Variants in JAK2 observed in about 807,000 individuals in gnomAD.
The protein encoded by JAK2 is Janus kinase 2, also known as tyrosine-protein kinase JAK2.
In JAK2, 86 loss-of-function variants were observed where a neutral mutation model predicts 139.3. The ratio of observed to expected loss-of-function variants is 0.62; its 90% CI spans 0.52 to 0.74. The LOEUF is 0.74. JAK2 is among the 30% of genes least tolerant of loss of function. JAK2 has a pLI of 0.00. For missense variants in JAK2, 1,421 were observed against 1,360.3 expected, an observed-to-expected ratio of 1.04 and a Z score of -0.70; for synonymous variants, 490 against 437.7, an observed-to-expected ratio of 1.12 and a Z score of -1.49.
Position 5,054,411 on chromosome 9 carries a change from G to A in JAK2, c.615-152G>A, listed in dbSNP as rs1308569696. 5 of 594,574 alleles carry A rather than the reference G, an allele frequency of 8.4e-6. No homozygotes were observed. The highest frequency in any genetic ancestry group is 1.5e-5 in the Non-Finnish European group (5 of 330,932). The allele number at this position is 594,574 out of a possible 1,614,324, so 36.8% of individuals were successfully genotyped here. A position where few individuals can be genotyped will look rare whatever the true frequency, so the allele number is the denominator to read the frequency against. ...AAATCTTAAAGTTTTATACTGTATGGATGGGGGTTATGTCAACTTACGCCA... is the reference window on the plus strand; with the variant it reads ...AAATCTTAAAGTTTTATACTGTATGAATGGGGGTTATGTCAACTTACGCCA... On this transcript the variant is annotated intron_variant, in intron 6 of 24. Coordinates refer to ENST00000381652, the MANE Select transcript of JAK2 (RefSeq NM_004972.4). The surrounding 1 kb of genome is among the most constrained non-coding windows in gnomAD (Gnocchi z 4.9).
At chr9:5,114,735 T>G (rs1822986174) in intron 22 of JAK2, 1 of 362,374 alleles carries the variant, frequency 2.8e-6, no homozygotes, top group African/African-American at 2.1e-5. Flanking sequence ...CGAGTTCATC[T>G]GCTCTGTGGT....
At chr9:5,097,368 T>C (rs920885028) in intron 22 of JAK2, 1 of 152,330 alleles carries the variant, frequency 6.6e-6, no homozygotes, top group African/African-American at 2.4e-5. Flanking sequence ...TCTGATTCTT[T>C]GGTCACCCTG....
intron 5 of JAK2, among the ~76,000 whole-genome samples, chr9:5,048,376 T>C (rs887496692): frequency 6.6e-6 from 1 of 151,962 alleles, no homozygotes; most frequent in Non-Finnish European, 1.5e-5. Context: ...CTCCTGACCT[T>C]GTCATCTGCC....
chr9:5,091,524 A>ATAATTATGGGTGTTGGTT (rs1554676717), intron 22 of JAK2: 3 of 152,124 alleles, frequency 2.0e-5, no homozygotes, highest in Non-Finnish European at 2.9e-5. Context: ...GCTGCCTTGT[A>ATAATTATGGGTGTTGGTT]TAATTATGGG....
chr9:5,087,238 G>A (rs2031905), intron 19 of JAK2, among the ~76,000 whole-genome samples: 26,670 of 152,138 alleles, frequency 0.18, 2,548 homozygotes, highest in East Asian at 0.24. Flanking sequence ...GAAACTTACA[G>A]TCATGGCAGA....
At chr9:5,125,504 A>C (rs1286181753) in intron 23 of JAK2, among the ~76,000 whole-genome samples, 1 of 151,482 alleles carries the variant, frequency 6.6e-6, no homozygotes, top group Non-Finnish European at 1.5e-5. Flanking sequence ...ATTTATATTT[A>C]TCTCTGATAA....
chr9:5,081,866 A>C lies in JAK2; in HGVS notation c.2571+5A>C, dbSNP rs775085241. The stretch of plus-strand genomic sequence containing the variant: ...TTTCTACAGCAACTTGGCAAGGTAA[A>C]TTGTCAGAATTTTTTCAAATAGAGT... On this transcript the variant is annotated splice_donor_5th_base_variant and intron_variant, in intron 19 of 24. Transcript: ENST00000381652. 4.3e-5 allele frequency: 69 copies of C among 1,608,800 alleles called. No homozygotes were observed. Among genetic ancestry groups the C allele is most frequent in the Non-Finnish European group, 5.9e-6 (7 of 1,176,740 alleles).
intron 5 of JAK2, among the ~76,000 whole-genome samples, chr9:5,047,159 A>G (rs562855510): frequency 1.3e-5 from 2 of 152,338 alleles, no homozygotes; most frequent in Admixed American, 1.3e-4. Context: ...AAAATATGAT[A>G]GTATTTAGAT....
Position 5,066,711 on chromosome 9 carries a change from A to G in JAK2, c.1248A>G (p.Ala416=). Reference sequence around the variant, plus strand: ...TTGCCATTAGTAAACTGAAGAAAGCAGGTAATCAGACTGGACTGTATGTAC... The same window carrying G: ...TTGCCATTAGTAAACTGAAGAAAGCGGGTAATCAGACTGGACTGTATGTAC... The part of the protein sequence containing the change: ...MDFAISKLKK[A]GNQTGLYVLR... Residue 416 remains alanine, a synonymous_variant, in exon 10 of 25, where the codon GCA becomes GCG. Coordinates refer to ENST00000381652, the MANE Select transcript of JAK2 (RefSeq NM_004972.4). 1.9e-6 allele frequency: 3 copies of G among 1,609,780 alleles called. No homozygotes were observed. Among genetic ancestry groups the G allele is most frequent in the Non-Finnish European group, 2.5e-6 (3 of 1,177,074 alleles).
chr9:5,086,098 G>A (rs553288923), intron 19 of JAK2: 11 of 555,730 alleles, frequency 2.0e-5, no homozygotes, highest in Non-Finnish European at 3.0e-5. Context: ...TTCTGCCTAT[G>A]AGCCTGCGCG....
chr9:5,056,679 A>T (rs568141954), intron 8 of JAK2, among the ~76,000 whole-genome samples: 2 of 152,292 alleles, frequency 1.3e-5, no homozygotes, highest in Admixed American at 1.3e-4. Context: ...GTTTAGAAAA[A>T]GCTTGATAAA....
chr9:4,992,245 C>T (rs1820298371), intron 2 of JAK2, among the ~76,000 whole-genome samples: 1 of 152,124 alleles, frequency 6.6e-6, no homozygotes, highest in Non-Finnish European at 1.5e-5. Context: ...CCTGGATTTC[C>T]TCACAATATG....
chr9:4,993,974 C>T (rs1820413914), intron 2 of JAK2, among the ~76,000 whole-genome samples: 1 of 152,136 alleles, frequency 6.6e-6, no homozygotes, highest in African/African-American at 2.4e-5. Context: ...GTGTGCCTTG[C>T]AGTGGGTGAT....
chr9:5,097,871 C>T (rs768791880), intron 22 of JAK2: 1 of 152,202 alleles, frequency 6.6e-6, no homozygotes, highest in Non-Finnish European at 1.5e-5. Context: ...AGGTTATATG[C>T]TTAATCAGAC....
intron 22 of JAK2, among the ~76,000 whole-genome samples, chr9:5,103,887 A>G (rs1821735254): frequency 1.3e-5 from 2 of 152,226 alleles, no homozygotes; most frequent in African/African-American, 4.8e-5. Flanking sequence ...AAGACACAGC[A>G]TACCAGAATC....
intron 19 of JAK2, chr9:5,086,216 GC>G: frequency 1.7e-6 from 1 of 598,082 alleles, no homozygotes; most frequent in Non-Finnish European, 2.2e-6. Context: ...CCAGCGCGAG[GC>G]CACGGTCGGA....
chr9:5,044,306 AT>A (rs1355975329), intron 4 of JAK2, 96 bp from the exon 5 acceptor site: 5 of 761,780 alleles, frequency 6.6e-6, no homozygotes, highest in Non-Finnish European at 1.1e-5. Context: ...TAAGTATGGG[AT>A]AATACCTTTC....
rs187682346 is a variant in JAK2, at chr9:5,106,895, G to A, written c.3059+15984G>A. On this transcript the variant is annotated intron_variant, in intron 22 of 24. Transcript: ENST00000381652. ...CAGGGAACATCACACAAAGGGGCCC[G>A]GGGGAGGGATAGCATTAGGAGAAAT... 1.2e-3 allele frequency among the ~76,000 whole-genome samples: 186 copies of A among 152,160 alleles called. 1 individual carries two copies. Among genetic ancestry groups the A allele is most frequent in the African/African-American group, 3.9e-3 (162 of 41,502 alleles).
At chr9:5,009,873 C>T (rs944317412) in intron 2 of JAK2, among the ~76,000 whole-genome samples, 1 of 151,794 alleles carries the variant, frequency 6.6e-6, no homozygotes, top group African/African-American at 2.4e-5. Flanking sequence ...TAAGCTTAAG[C>T]CGTCCTCCCA....
Sources: gnomAD v4.1 joint callset for allele counts (sites outside exome capture counted in the v4.1 genomes callset) on GRCh38, gnomAD v4.1.1 for gene constraint, Gnocchi (gnomAD v3.1) non-coding constraint, MANE v1.5 for transcripts, NCBI Gene and HGNC (gene_info 2026-07-23, HGNC 2026-07-21) for gene names.